The following FAM13A variants were observed in gnomAD, a reference collection of about 807,000 sequenced individuals.
FAM13A encodes family with sequence similarity 13 member A, also known as protein FAM13A.
In FAM13A, 76 loss-of-function variants were observed where a neutral mutation model predicts 129.6. The ratio of observed to expected loss-of-function variants is 0.59; its 90% CI spans 0.49 to 0.71. The LOEUF is 0.71. FAM13A is among the 30% of genes least tolerant of loss of function. FAM13A has a pLI of 0.00. For missense variants in FAM13A, 1,108 were observed against 1,249.3 expected, an observed-to-expected ratio of 0.89 and a Z score of 1.70; for synonymous variants, 443 against 449.9, an observed-to-expected ratio of 0.98 and a Z score of 0.20.
intron 6 of FAM13A, among the ~76,000 whole-genome samples, chr4:88,873,466 C>G (rs994656337): frequency 1.3e-5 from 2 of 152,160 alleles, no homozygotes; most frequent in Admixed American, 1.3e-4. Flanking sequence ...GATATCACCA[C>G]CGATCCCACA....
At chr4:88,875,529 C>G (rs1275809579) in intron 6 of FAM13A, among the ~76,000 whole-genome samples, 1 of 152,206 alleles carries the variant, frequency 6.6e-6, no homozygotes, top group Non-Finnish European at 1.5e-5. Context: ...AGCCAACAGA[C>G]AGATGAAAAA....
At chr4:88,781,109 A>G in intron 11 of FAM13A, 56 bp downstream of exon 11, 1 of 1,230,666 alleles carries the variant, frequency 8.1e-7, no homozygotes, top group Non-Finnish European at 1.1e-6. Flanking sequence ...TACAAAGCAA[A>G]GAAAAGAGAT....
chr4:88,905,371 A>G (rs1341604732), intron 6 of FAM13A, among the ~76,000 whole-genome samples: 1 of 152,012 alleles, frequency 6.6e-6, no homozygotes, highest in Non-Finnish European at 1.5e-5. Flanking sequence ...CTTTCTTAAT[A>G]GTGAACTTTT....
At chr4:88,738,514 C>T (rs187987747) in intron 20 of FAM13A, among the ~76,000 whole-genome samples, 1 of 152,314 alleles carries the variant, frequency 6.6e-6, no homozygotes, top group Admixed American at 6.5e-5. Context: ...TGGCCACTGA[C>T]AGCAACTTCA....
At chr4:88,980,641 C>T (rs11946359) in intron 4 of FAM13A, among the ~76,000 whole-genome samples, 1,845 of 152,196 alleles carry the variant, frequency 0.012, 45 homozygotes, top group African/African-American at 0.042. Context: ...AAACAGACAA[C>T]AGGTTATAAA....
chr4:88,774,176 C>A (rs1337660714), intron 11 of FAM13A, among the ~76,000 whole-genome samples: 2 of 152,188 alleles, frequency 1.3e-5, no homozygotes. Flanking sequence ...GTGCAAGCAT[C>A]ATTTTCAGTG....
intron 6 of FAM13A, among the ~76,000 whole-genome samples, chr4:88,873,389 G>A (rs1419635531): frequency 7.2e-5 from 11 of 152,216 alleles, no homozygotes; most frequent in South Asian, 4.1e-4. Context: ...TTGATAGACT[G>A]CTAGCAAGAC....
chr4:88,730,854 T>G (rs1318638533), intron 23 of FAM13A, among the ~76,000 whole-genome samples: 3 of 152,108 alleles, frequency 2.0e-5, no homozygotes, highest in African/African-American at 4.8e-5. Flanking sequence ...CAGAATAGAG[T>G]GCAGTAGCAG....
chr4:88,782,022 A>C (rs1723045949), intron 10 of FAM13A, among the ~76,000 whole-genome samples: 1 of 151,932 alleles, frequency 6.6e-6, no homozygotes, highest in Non-Finnish European at 1.5e-5. Flanking sequence ...AAAAAATTAA[A>C]AAAAAAGAAA....
intron 4 of FAM13A, among the ~76,000 whole-genome samples, chr4:88,966,213 T>C (rs998786130): frequency 2.0e-5 from 3 of 152,218 alleles, no homozygotes; most frequent in Non-Finnish European, 4.4e-5. Context: ...CAGTATAATA[T>C]AGATTAATTC....
At chr4:89,045,627 G>C (rs529517274) in intron 1 of FAM13A, among the ~76,000 whole-genome samples, 34 of 152,280 alleles carry the variant, frequency 2.2e-4, no homozygotes, top group Non-Finnish European at 4.0e-4. Flanking sequence ...CAAAAATCAT[G>C]CACTATGTAA....
At chr4:88,875,306 T>C (rs1164438051) in intron 6 of FAM13A, among the ~76,000 whole-genome samples, 1 of 152,070 alleles carries the variant, frequency 6.6e-6, no homozygotes. Context: ...CTAGTTAAAC[T>C]AAAGAGCTTC....
intron 7 of FAM13A, among the ~76,000 whole-genome samples, chr4:88,832,062 G>C (rs914923766): frequency 3.9e-5 from 6 of 152,088 alleles, no homozygotes; most frequent in Non-Finnish European, 8.8e-5. Context: ...GAACAGAATA[G>C]AGAACTCAGA....
At chr4:88,936,554 C>G (rs976620676) in intron 5 of FAM13A, 2 of 152,456 alleles carry the variant, frequency 1.3e-5, no homozygotes, top group Admixed American at 6.5e-5. Context: ...GATCCAAACA[C>G]CTCCCACCAG....
intron 8 of FAM13A, among the ~76,000 whole-genome samples, chr4:88,791,761 A>G (rs143771893): frequency 6.0e-4 from 92 of 152,142 alleles, no homozygotes; most frequent in African/African-American, 1.9e-3. Context: ...GTTGCTTGGG[A>G]ATCATCTGTC....
In FAM13A at chr4:88,760,326, C is replaced by T. The variant is rs1318054547; in HGVS notation, c.1579-1425G>A. Reference sequence around the variant, plus strand: ...AAGTCTTATAGAAATGCCAAGTGGCCGGGCGCGGTGGCTCACGCCTGTAAT... The same window carrying T: ...AAGTCTTATAGAAATGCCAAGTGGCTGGGCGCGGTGGCTCACGCCTGTAAT... On this transcript the variant is annotated intron_variant, in intron 13 of 23. Transcript: ENST00000264344. Among the ~76,000 whole-genome samples, 2 of 28,750 alleles carry T rather than the reference C, an allele frequency of 7.0e-5. 1 individual carries two copies. Among genetic ancestry groups the T allele is most frequent in the Non-Finnish European group, 3.9e-4 (2 of 5,148 alleles). The allele number at this position is 28,750 out of a possible 152,430, so 18.9% of individuals were successfully genotyped here. A position where few individuals can be genotyped will look rare whatever the true frequency, so the allele number is the denominator to read the frequency against.
chr4:88,825,710 A>G (rs1732877612), intron 7 of FAM13A, among the ~76,000 whole-genome samples: 1 of 152,218 alleles, frequency 6.6e-6, no homozygotes, highest in Non-Finnish European at 1.5e-5. Flanking sequence ...ATACATTCAA[A>G]ATATGTTAAA....
At chr4:88,731,121 T>C (rs1161469266) in intron 23 of FAM13A, among the ~76,000 whole-genome samples, 1 of 152,160 alleles carries the variant, frequency 6.6e-6, no homozygotes, top group African/African-American at 2.4e-5. Flanking sequence ...CCAAAGAGCA[T>C]TTCTTCTGGG....
intron 1 of FAM13A, among the ~76,000 whole-genome samples, chr4:89,055,346 G>C (rs770091491): frequency 1.4e-4 from 22 of 152,130 alleles, no homozygotes; most frequent in Non-Finnish European, 2.8e-4. Context: ...CAACCTTAAG[G>C]AGAAGGGTAG....
Sources: gnomAD v4.1 joint callset for allele counts (sites outside exome capture counted in the v4.1 genomes callset) on GRCh38, gnomAD v4.1.1 for gene constraint, MANE v1.5 for transcripts, NCBI Gene and HGNC (gene_info 2026-07-23, HGNC 2026-07-21) for gene names.